Variants in ELOVL6 observed in about 807,000 individuals in gnomAD.
ELOVL6 encodes the protein ELOVL fatty acid elongase 6, also known as very long chain fatty acid elongase 6.
In ELOVL6, 8 loss-of-function variants were observed where a neutral mutation model predicts 31.7. The observed-to-expected ratio is 0.25, with a 90% CI of 0.15 to 0.45. The LOEUF is 0.45. ELOVL6 is among the 20% of genes least tolerant of loss of function. The pLI is 1.00. For synonymous variants in ELOVL6, 101 were observed against 117.7 expected (o/e 0.86, Z 0.92); for missense variants, 126 against 326.4 (o/e 0.39, Z 4.73).
intron 1 of ELOVL6, among the ~76,000 whole-genome samples, chr4:110,131,458 G>A (rs2126257554): frequency 6.6e-6 from 1 of 152,264 alleles, no homozygotes; most frequent in African/African-American, 2.4e-5. Flanking sequence ...ACAAATCCAA[G>A]TTAATACAGC....
At position 110,051,829 on chromosome 4, in the gene ELOVL6, G is replaced by T. The variant is rs946014447; in HGVS notation, c.374-67C>A. Reference sequence around the variant, plus strand: ...ACCAGTAACGATGACTTACAGTTTTGTAAGAGGGTAGACATCCTGAGCTAG... The same window carrying T: ...ACCAGTAACGATGACTTACAGTTTTTTAAGAGGGTAGACATCCTGAGCTAG... On this transcript the variant is annotated intron_variant, in intron 3 of 3. Transcript: ENST00000302274. This position sits in a 1 kb window ranked among gnomAD's most constrained non-coding sequence, Gnocchi z 4.8. 2.6e-5 allele frequency: 36 copies of T among 1,365,838 alleles called. No homozygotes were observed. In the Admixed American group the frequency reaches 5.5e-4, roughly 21 times the overall value. 84.6% of individuals were successfully genotyped at this position (1,365,838 alleles called of 1,614,324 possible).
chr4:110,081,331 A>G (rs1022584126), intron 2 of ELOVL6, among the ~76,000 whole-genome samples: 8 of 152,086 alleles, frequency 5.3e-5, no homozygotes, highest in African/African-American at 1.2e-4. Context: ...CACACTACCT[A>G]ACTTCAAACT....
intron 2 of ELOVL6, among the ~76,000 whole-genome samples, chr4:110,089,333 T>C (rs959797605): frequency 7.2e-5 from 11 of 152,188 alleles, no homozygotes; most frequent in African/African-American, 2.4e-4. Flanking sequence ...ACTCAAATTT[T>C]GTTCAACCAA....
chr4:110,157,241 G>A (rs990743543), intron 1 of ELOVL6, among the ~76,000 whole-genome samples: 3 of 152,186 alleles, frequency 2.0e-5, no homozygotes, highest in Non-Finnish European at 4.4e-5. Context: ...AGGAGAAACT[G>A]AAGCATAATA....
At chr4:110,082,662 T>C (rs927195088) in intron 2 of ELOVL6, among the ~76,000 whole-genome samples, 1 of 152,038 alleles carries the variant, frequency 6.6e-6, no homozygotes, top group East Asian at 1.9e-4. Flanking sequence ...AGTTAATGGG[T>C]GCAGCACACC....
chr4:110,138,363 G>A (rs1757864969), intron 1 of ELOVL6, among the ~76,000 whole-genome samples: 1 of 152,092 alleles, frequency 6.6e-6, no homozygotes, highest in Non-Finnish European at 1.5e-5. Context: ...GCTAGGTACT[G>A]GATACACAGT....
At chr4:110,057,854 G>A (rs28643439) in intron 3 of ELOVL6, among the ~76,000 whole-genome samples, 80,739 of 131,778 alleles carry the variant, frequency 0.61, 25,285 homozygotes, top group African/African-American at 0.84. Flanking sequence ...CTGTCTCAGG[G>A]AAAAAAAAAA....
At chr4:110,159,062 A>T (rs556100755) in intron 1 of ELOVL6, among the ~76,000 whole-genome samples, 1 of 152,024 alleles carries the variant, frequency 6.6e-6, no homozygotes. Flanking sequence ...AATTTTAATC[A>T]CTTCTAGACT....
chr4:110,154,318 C>T (rs372887179), intron 1 of ELOVL6, among the ~76,000 whole-genome samples: 51 of 152,148 alleles, frequency 3.4e-4, no homozygotes, highest in Admixed American at 4.6e-4. Flanking sequence ...TGCAGTGGTG[C>T]GCTATCAGCT....
chr4:110,100,551 G>A (rs1452526908), intron 2 of ELOVL6, among the ~76,000 whole-genome samples: 1 of 152,134 alleles, frequency 6.6e-6, no homozygotes, highest in Admixed American at 6.5e-5. Context: ...CAGTTCATGA[G>A]TGAACAGTGT....
intron 1 of ELOVL6, among the ~76,000 whole-genome samples, chr4:110,129,174 T>C (rs1360784665): frequency 2.6e-5 from 4 of 152,222 alleles, no homozygotes; most frequent in African/African-American, 4.8e-5. Flanking sequence ...TTAAGAAAAA[T>C]TAATAATTAT....
chr4:110,151,725 T>G (rs935444848), intron 1 of ELOVL6, among the ~76,000 whole-genome samples: 3 of 152,232 alleles, frequency 2.0e-5, no homozygotes, highest in Non-Finnish European at 2.9e-5. Context: ...AAATAAGAGA[T>G]GGACTTTTGA....
chr4:110,076,892 C>A (rs1161920215), intron 2 of ELOVL6, among the ~76,000 whole-genome samples: 4 of 152,206 alleles, frequency 2.6e-5, no homozygotes, highest in African/African-American at 9.6e-5. Context: ...CACCCTAATA[C>A]TGTGCTTTTC....
intron 2 of ELOVL6, among the ~76,000 whole-genome samples, chr4:110,093,868 T>C (rs1460692816): frequency 6.6e-6 from 1 of 152,100 alleles, no homozygotes; most frequent in Non-Finnish European, 1.5e-5. Flanking sequence ...GATGGGAATA[T>C]TGTGATTTTG....
At chr4:110,098,557 G>A (rs1015599342) in intron 2 of ELOVL6, among the ~76,000 whole-genome samples, 2 of 151,998 alleles carry the variant, frequency 1.3e-5, no homozygotes, top group Non-Finnish European at 2.9e-5. Flanking sequence ...CTCTCTGGTC[G>A]TATTTCTCTC....
intron 1 of ELOVL6, among the ~76,000 whole-genome samples, chr4:110,149,766 C>T (rs1391522918): frequency 2.6e-5 from 4 of 152,158 alleles, no homozygotes; most frequent in Admixed American, 2.6e-4. Context: ...AAATATATAT[C>T]TCTTCCTAAT....
At chr4:110,185,908 A>C (rs1349655589) in intron 1 of ELOVL6, among the ~76,000 whole-genome samples, 2 of 152,154 alleles carry the variant, frequency 1.3e-5, no homozygotes, top group Non-Finnish European at 2.9e-5. Context: ...TGATTTATTT[A>C]AGGCTGGGCA....
chr4:110,062,366 A>G (rs1755165723), intron 2 of ELOVL6, among the ~76,000 whole-genome samples: 1 of 152,184 alleles, frequency 6.6e-6, no homozygotes, highest in Admixed American at 6.5e-5. Context: ...AGTGCCAGCC[A>G]TTGGGCCCAT....
chr4:110,152,721 T>C (rs1758311158), intron 1 of ELOVL6, among the ~76,000 whole-genome samples: 1 of 152,228 alleles, frequency 6.6e-6, no homozygotes, highest in Admixed American at 6.5e-5. Context: ...AGATCACACG[T>C]AGAAGTAGTG....
Sources: allele counts gnomAD v4.1 joint callset (sites outside exome capture counted in the v4.1 genomes callset), GRCh38; gene constraint gnomAD v4.1.1; non-coding constraint Gnocchi (gnomAD v3.1); transcripts MANE v1.5; gene names NCBI Gene and HGNC (gene_info 2026-07-23, HGNC 2026-07-21).